PREX1: variants seen among roughly 807,000 people sequenced by gnomAD.
PREX1 encodes the protein phosphatidylinositol-3,4,5-trisphosphate dependent Rac exchange factor 1, also known as phosphatidylinositol 3,4,5-trisphosphate-dependent Rac exchanger 1 protein.
A neutral mutation model predicts 198.3 loss-of-function variants in PREX1; 41 were observed. The ratio of observed to expected loss-of-function variants is 0.21; its 90% CI spans 0.16 to 0.27. The LOEUF (loss-of-function observed/expected upper bound fraction) is 0.27, where lower values mean the gene tolerates loss of function less well. Ranked by LOEUF, PREX1 falls within the 10% of genes least tolerant of loss-of-function variation. The pLI is 1.00. For synonymous variants in PREX1, 843 were observed against 887.2 expected, an observed-to-expected ratio of 0.95 and a Z score of 0.89; for missense variants, 1,620 against 2,200.7, an observed-to-expected ratio of 0.74 and a Z score of 5.28.
At chr20:48,727,386 C>T (rs1328522661) in intron 4 of PREX1, among the ~76,000 whole-genome samples, 1 of 152,130 alleles carries the variant, frequency 6.6e-6, no homozygotes, top group African/African-American at 2.4e-5. Flanking sequence ...TCAATACTTC[C>T]GCCCTGCAGC....
chr20:48,676,450 G>A (rs1040008115), intron 13 of PREX1, among the ~76,000 whole-genome samples, 182 bp from the exon 14 acceptor site: 1 of 152,236 alleles, frequency 6.6e-6, no homozygotes, highest in Non-Finnish European at 1.5e-5. Context: ...CCGAGGGCAG[G>A]GCTGTTCCAA....
At position 48,691,123 on chromosome 20, in the gene PREX1, A is replaced by G. The variant is rs1444036345; in HGVS notation, c.1037-27T>C. 2 of 1,614,052 alleles carry G rather than the reference A, an allele frequency of 1.2e-6. No individual in the cohort carries two copies. The highest frequency in any genetic ancestry group is 1.7e-6 in the Non-Finnish European group (2 of 1,179,932). On this transcript the variant is annotated intron_variant, in intron 8 of 39. Transcript: ENST00000371941. The surrounding 1 kb of genome is among the most constrained non-coding windows in gnomAD (Gnocchi z 5.0). ...TGGTGGGGGCAGGAGGCAAAGGTGCAGCAGAGACTCAGCCGCGTGACCTTC... is the reference window on the plus strand; with the variant it reads ...TGGTGGGGGCAGGAGGCAAAGGTGCGGCAGAGACTCAGCCGCGTGACCTTC...
chr20:48,776,014 A>T (rs990573018), intron 1 of PREX1, among the ~76,000 whole-genome samples: 2 of 152,098 alleles, frequency 1.3e-5, no homozygotes, highest in Non-Finnish European at 2.9e-5. Flanking sequence ...GGCCCTGAGG[A>T]AGGAGGGCTC....
At chr20:48,703,855 C>T (rs970548706) in intron 6 of PREX1, among the ~76,000 whole-genome samples, 2 of 152,208 alleles carry the variant, frequency 1.3e-5, no homozygotes. Flanking sequence ...GAAGCCCAGC[C>T]GCACTCTTGA....
chr20:48,679,342 T>C lies in PREX1; in HGVS notation c.1589+18A>G. The C allele has an allele frequency of 1.2e-6, 2 of 1,607,284 alleles. No individual in the cohort carries two copies. The highest frequency in any genetic ancestry group is 1.7e-6 in the Non-Finnish European group (2 of 1,174,038). On this transcript the variant is annotated intron_variant, in intron 13 of 39. Transcript: ENST00000371941. ...GAAGAGGTAGAGGTGAAATTGGAGCTTGGAAAGAGTAACTTACTTGATCAC... is the reference window on the plus strand; with the variant it reads ...GAAGAGGTAGAGGTGAAATTGGAGCCTGGAAAGAGTAACTTACTTGATCAC...
At chr20:48,787,772 A>G (rs369107542) in intron 1 of PREX1, among the ~76,000 whole-genome samples, 2 of 152,368 alleles carry the variant, frequency 1.3e-5, no homozygotes, top group African/African-American at 2.4e-5. Context: ...CTTTTAACAC[A>G]GGAACACCCA....
chr20:48,710,964 G>C (rs941151182), intron 5 of PREX1, among the ~76,000 whole-genome samples: 4 of 152,238 alleles, frequency 2.6e-5, no homozygotes, highest in Non-Finnish European at 5.9e-5. Flanking sequence ...GCAGTGGGGT[G>C]TTTGGGTTTC....
the PREX1 span, among the ~76,000 whole-genome samples, chr20:48,843,855 GTAGCTGTGACC>G: frequency 7.2e-5 from 11 of 152,174 alleles, no homozygotes; most frequent in Admixed American, 7.2e-4. Context: ...TCCAAATCTA[GTAGCTGTGACC>G]TGGCATGGTG....
At chr20:48,751,154 G>A (rs1014918000) in intron 1 of PREX1, among the ~76,000 whole-genome samples, 8 of 152,220 alleles carry the variant, frequency 5.3e-5, no homozygotes, top group East Asian at 1.9e-4. Context: ...CGGAGACCTC[G>A]ACTCAGGCTC....
chr20:48,750,011 C>T (rs1208755113), intron 1 of PREX1, among the ~76,000 whole-genome samples: 2 of 152,126 alleles, frequency 1.3e-5, no homozygotes, highest in Non-Finnish European at 2.9e-5. Context: ...ACCTGGATGT[C>T]CAAACTCAGC....
Position 48,691,416 on chromosome 20 carries a change from A to G in PREX1, c.1037-320T>C, listed in dbSNP as rs2123046331. Among the ~76,000 whole-genome samples the G allele has an allele frequency of 6.6e-6, 1 of 152,270 alleles. No individual in the cohort carries two copies. Among genetic ancestry groups the G allele is most frequent in the East Asian group, 1.9e-4 (1 of 5,188 alleles). On this transcript the variant is annotated intron_variant, in intron 8 of 39. Coordinates refer to ENST00000371941, the MANE Select transcript of PREX1 (RefSeq NM_020820.4). This position sits in a 1 kb window ranked among gnomAD's most constrained non-coding sequence, Gnocchi z 5.0. ...CCAAAATGCTTCCTGGGCTCCTCCC[A>G]TCTCACTCGGGCACTGGAGTTACTT...
the PREX1 span, among the ~76,000 whole-genome samples, chr20:48,834,071 A>G: frequency 6.6e-6 from 1 of 151,762 alleles, no homozygotes; most frequent in African/African-American, 2.4e-5. Context: ...CCTGGGCGAC[A>G]GAGCGAGACT....
intron 26 of PREX1, among the ~76,000 whole-genome samples, chr20:48,645,029 A>T (rs1297198073): frequency 6.6e-6 from 1 of 152,262 alleles, no homozygotes; most frequent in Admixed American, 6.5e-5. Context: ...GAAATCCCAG[A>T]GAGAGGGCAA....
At chr20:48,628,180 C>A (rs1257752893) in intron 37 of PREX1, among the ~76,000 whole-genome samples, 1 of 152,198 alleles carries the variant, frequency 6.6e-6, no homozygotes, top group Non-Finnish European at 1.5e-5. Flanking sequence ...CACTGGCAGG[C>A]ACTCTGGTGC....
chr20:48,706,648 A>G (rs6012514), intron 6 of PREX1, among the ~76,000 whole-genome samples: 50,326 of 152,054 alleles, frequency 0.33, 11,869 homozygotes, highest in African/African-American at 0.67. Flanking sequence ...GAAGCATGAG[A>G]GAAAGAAGAG....
chr20:48,723,502 A>G (rs2089995347), intron 5 of PREX1, among the ~76,000 whole-genome samples: 1 of 152,182 alleles, frequency 6.6e-6, no homozygotes, highest in African/African-American at 2.4e-5. Context: ...CATGGCCCCA[A>G]CGGGAGTCTA....
At chr20:48,763,236 T>C (rs73258434) in intron 1 of PREX1, among the ~76,000 whole-genome samples, 1,815 of 152,366 alleles carry the variant, frequency 0.012, 31 homozygotes, top group African/African-American at 0.041. Context: ...TAGGAAGCAC[T>C]GTACGAACTG....
the PREX1 span, among the ~76,000 whole-genome samples, chr20:48,842,782 T>C: frequency 3.9e-5 from 6 of 152,096 alleles, no homozygotes; most frequent in African/African-American, 1.2e-4. Context: ...TCACTGGCTA[T>C]GTGACTTCAC....
At chr20:48,687,555 C>T (rs2089792403) in intron 10 of PREX1, among the ~76,000 whole-genome samples, 1 of 152,220 alleles carries the variant, frequency 6.6e-6, no homozygotes, top group Admixed American at 6.5e-5. Context: ...GCAGCTTTTA[C>T]CCTAGGCCTC....
Sources: allele counts gnomAD v4.1 joint callset (sites outside exome capture counted in the v4.1 genomes callset), GRCh38; gene constraint gnomAD v4.1.1; non-coding constraint Gnocchi (gnomAD v3.1); transcripts MANE v1.5; gene names NCBI Gene and HGNC (gene_info 2026-07-23, HGNC 2026-07-21).